The following TRDN variants were observed in gnomAD, a reference collection of about 807,000 sequenced individuals.
TRDN encodes triadin, also known as triadin in skeletal muscle.
Under a neutral mutation model 149.7 loss-of-function variants are expected in TRDN, and 161 were observed. The ratio of observed to expected loss-of-function variants is 1.08; its 90% CI spans 0.95 to 1.23. The LOEUF (loss-of-function observed/expected upper bound fraction) is 1.23, where lower values mean the gene tolerates loss of function less well. Ranked by LOEUF, TRDN falls within the 50% of genes most tolerant of loss-of-function variation. The pLI, the probability that TRDN is intolerant of heterozygous loss-of-function variation, is 0.00. For missense variants in TRDN, 896 were observed against 823.5 expected, an observed-to-expected ratio of 1.09 and a Z score of -1.08; for synonymous variants, 294 against 250.5, an observed-to-expected ratio of 1.17 and a Z score of -1.64.
chr6:123,461,166 G>A (rs929992698), intron 10 of TRDN, among the ~76,000 whole-genome samples: 1 of 152,092 alleles, frequency 6.6e-6, no homozygotes, highest in Non-Finnish European at 1.5e-5. Context: ...GACTATTTAA[G>A]TTTGGTTCAT....
intron 33 of TRDN, 27 bp from the exon 34 acceptor site, chr6:123,260,665 T>C: frequency 7.5e-7 from 1 of 1,326,202 alleles, no homozygotes; most frequent in Non-Finnish European, 1.0e-6. Flanking sequence ...AAAAAGAATG[T>C]AGAAAGAAAG....
Position 123,377,900 on chromosome 6 carries a change from T to C in TRDN, c.1187-2A>G, listed in dbSNP as rs578024729. ...CATGTTTTTCTTTCTTTTCCTGTTC[T>C]GAAACATATTATTATTGTTATTATT... On this transcript the variant is annotated splice_acceptor_variant, in intron 16 of 40. Coordinates refer to ENST00000334268, the MANE Select transcript of TRDN (RefSeq NM_006073.4). LOFTEE classifies it high-confidence loss of function. 288 of 1,462,276 alleles carry C rather than the reference T, an allele frequency of 2.0e-4. 8 individuals are homozygous for C. In the South Asian group the frequency reaches 3.5e-3, roughly 18 times the overall value. 90.6% of individuals were successfully genotyped at this position (1,462,276 alleles called of 1,614,324 possible). A position where few individuals can be genotyped will look rare whatever the true frequency, so the allele number is the denominator to read the frequency against.
chr6:123,576,459 C>A (rs1213037357), intron 1 of TRDN, among the ~76,000 whole-genome samples: 1 of 135,448 alleles, frequency 7.4e-6, no homozygotes, highest in Non-Finnish European at 1.6e-5. Flanking sequence ...TATGGTTTTT[C>A]TTTTTTAATT....
intron 23 of TRDN, among the ~76,000 whole-genome samples, chr6:123,317,655 G>A (rs1259840640): frequency 6.6e-6 from 1 of 151,750 alleles, no homozygotes; most frequent in Non-Finnish European, 1.5e-5. Context: ...TTTTCTATGT[G>A]CCACAGTATT....
At chr6:123,528,606 TATCC>T (rs1427141675) in intron 5 of TRDN, 5 of 981,202 alleles carry the variant, frequency 5.1e-6, no homozygotes, top group Non-Finnish European at 6.1e-6. Flanking sequence ...AATTCCTAAC[TATCC>T]ATCACATACA....
chr6:123,515,989 T>C (rs907692081), intron 6 of TRDN, among the ~76,000 whole-genome samples, 152 bp downstream of exon 6: 2 of 152,070 alleles, frequency 1.3e-5, no homozygotes, highest in African/African-American at 4.8e-5. Context: ...TTTCTCTCAA[T>C]CCAGAAATTC....
intron 21 of TRDN, among the ~76,000 whole-genome samples, chr6:123,341,699 T>C (rs1388225647): frequency 1.3e-5 from 2 of 151,992 alleles, no homozygotes; most frequent in Admixed American, 6.6e-5. Flanking sequence ...TTTAGTTATA[T>C]ATTTAACATA....
At chr6:123,632,362 A>G (rs1318750791) in intron 1 of TRDN, among the ~76,000 whole-genome samples, 3 of 151,784 alleles carry the variant, frequency 2.0e-5, no homozygotes, top group Non-Finnish European at 4.4e-5. Context: ...TATCATTTTA[A>G]TGGTTGGTTG....
intron 8 of TRDN, 168 bp downstream of exon 8, chr6:123,503,551 T>C (rs1057179852): frequency 2.3e-5 from 33 of 1,429,348 alleles, no homozygotes; most frequent in Middle Eastern, 1.8e-4. Context: ...TATAAATAAA[T>C]ATTAATTCCC....
Position 123,254,964 on chromosome 6 carries a change from A to G in TRDN, c.1951+117T>C, listed in dbSNP as rs754136311. 13 of 649,132 alleles carry G rather than the reference A, an allele frequency of 2.0e-5. No individual in the cohort carries two copies. In the South Asian group the frequency reaches 2.1e-4, roughly 11 times the overall value. The allele number at this position is 649,132 out of a possible 1,614,324, so 40.2% of individuals were successfully genotyped here. ...TACCTGTCCACTTCCTCTGCTATTA[A>G]GAGAAGTTTGCATCTTCTAGATTTC... On this transcript the variant is annotated intron_variant, in intron 37 of 40. Transcript: ENST00000334268.
At chr6:123,258,985 C>T (rs968790099) in intron 35 of TRDN, among the ~76,000 whole-genome samples, 2 of 152,040 alleles carry the variant, frequency 1.3e-5, no homozygotes, top group Non-Finnish European at 2.9e-5. Context: ...GTGGTGATAT[C>T]CCCTTTGTTA....
chr6:123,440,853 A>G (rs1178672864), intron 10 of TRDN: 2 of 152,168 alleles, frequency 1.3e-5, no homozygotes, highest in African/African-American at 4.8e-5. Flanking sequence ...CTACCCTTCA[A>G]ATTAATATAG....
Position 123,606,812 on chromosome 6 carries a change from T to C in TRDN, c.22+29942A>G, listed in dbSNP as rs75216126. ...TAAATTATGGGTTAGATGTGCTAGTTATATTGCTTCTAATAAGTATTCAAA... is the reference window on the plus strand; with the variant it reads ...TAAATTATGGGTTAGATGTGCTAGTCATATTGCTTCTAATAAGTATTCAAA... On this transcript the variant is annotated intron_variant, in intron 1 of 40. Transcript: ENST00000334268. Among the ~76,000 whole-genome samples, 862 of 152,334 alleles carry C rather than the reference T, an allele frequency of 5.7e-3. 9 individuals are homozygous for C. The highest frequency in any genetic ancestry group is 9.1e-3 in the Non-Finnish European group (619 of 68,022).
intron 8 of TRDN, among the ~76,000 whole-genome samples, chr6:123,500,638 G>T (rs893178907): frequency 9.2e-5 from 14 of 152,010 alleles, no homozygotes; most frequent in African/African-American, 3.1e-4. Flanking sequence ...AATAACACAT[G>T]CTGTCCATTT....
At chr6:123,401,156 T>C (rs985522982) in intron 12 of TRDN, among the ~76,000 whole-genome samples, 2 of 152,230 alleles carry the variant, frequency 1.3e-5, no homozygotes, top group African/African-American at 4.8e-5. Flanking sequence ...CTTTTTTTCC[T>C]CTACAGTTCT....
chr6:123,402,953 T>C (rs1442702414), intron 12 of TRDN, among the ~76,000 whole-genome samples: 1 of 152,192 alleles, frequency 6.6e-6, no homozygotes, highest in African/African-American at 2.4e-5. Flanking sequence ...ATTTTAAGTT[T>C]GAAGCGATGG....
At chr6:123,409,089 G>C (rs1366073535) in intron 12 of TRDN, among the ~76,000 whole-genome samples, 1 of 152,118 alleles carries the variant, frequency 6.6e-6, no homozygotes, top group Non-Finnish European at 1.5e-5. Context: ...TCATTAATGA[G>C]GAACATAGAC....
At chr6:123,226,234 C>A (rs947043189) in intron 38 of TRDN, among the ~76,000 whole-genome samples, 5 of 151,642 alleles carry the variant, frequency 3.3e-5, no homozygotes, top group Admixed American at 1.3e-4. Flanking sequence ...TGAAACAGTA[C>A]AAACTGTTAT....
intron 32 of TRDN, among the ~76,000 whole-genome samples, chr6:123,266,656 G>GTATTATATATAATATATATAT (rs1562237738): frequency 0.1 from 2,753 of 27,284 alleles, 1,184 homozygotes; most frequent in South Asian, 0.21. Flanking sequence ...ATAATAATAT[G>GTATTATATATAATATATATAT]TATAATATGT....
Sources: allele counts gnomAD v4.1 joint callset (sites outside exome capture counted in the v4.1 genomes callset), GRCh38; gene constraint gnomAD v4.1.1; transcripts MANE v1.5; gene names NCBI Gene and HGNC (gene_info 2026-07-23, HGNC 2026-07-21).